The following NREP variants were observed in gnomAD, a reference collection of about 807,000 sequenced individuals.
The protein encoded by NREP is neuronal regeneration related protein.
A neutral mutation model predicts 8.6 loss-of-function variants in NREP; 5 were observed. That is an observed-to-expected ratio of 0.58 (90% CI 0.30 to 1.22). The LOEUF (loss-of-function observed/expected upper bound fraction) is 1.22, where lower values mean the gene tolerates loss of function less well. NREP is among the 50% of genes most tolerant of loss of function. NREP has a pLI of 0.07. For synonymous variants in NREP, 27 were observed against 28.0 expected (o/e 0.96, Z 0.11); for missense variants, 86 against 82.5 (o/e 1.04, Z -0.17).
chr5:111,969,023 G>C (rs956520508), intron 2 of NREP, among the ~76,000 whole-genome samples: 3 of 152,190 alleles, frequency 2.0e-5, no homozygotes, highest in African/African-American at 7.2e-5. Context: ...CATCCAGAGA[G>C]TATAAAGGAA....
intron 2 of NREP, among the ~76,000 whole-genome samples, chr5:111,803,998 C>CT (rs1253623872): frequency 3.9e-5 from 6 of 152,218 alleles, no homozygotes; most frequent in Admixed American, 1.3e-4. Flanking sequence ...AACTAGTAGT[C>CT]CCTTTTTTCC....
chr5:111,758,572 A>G (rs993747111), upstream of NREP, among the ~76,000 whole-genome samples: 1 of 152,194 alleles, frequency 6.6e-6, no homozygotes, highest in Non-Finnish European at 1.5e-5. Flanking sequence ...TTATTTCCTA[A>G]TTAAATTGCC....
At chr5:111,782,690 A>G (rs985738754) in intron 2 of NREP, among the ~76,000 whole-genome samples, 1 of 151,996 alleles carries the variant, frequency 6.6e-6, no homozygotes, top group Non-Finnish European at 1.5e-5. Context: ...TAAGTAGAAA[A>G]CTCAAGTAAG....
chr5:111,911,205 C>T (rs919615761), intron 2 of NREP, among the ~76,000 whole-genome samples: 1 of 152,116 alleles, frequency 6.6e-6, no homozygotes, highest in African/African-American at 2.4e-5. Flanking sequence ...GATATCACCC[C>T]TGTACCCAAT....
At chr5:111,811,247 C>G (rs1413309387) in intron 2 of NREP, among the ~76,000 whole-genome samples, 5 of 152,118 alleles carry the variant, frequency 3.3e-5, no homozygotes, top group Non-Finnish European at 7.4e-5. Context: ...TCTGATGAAT[C>G]CTTCTGAATT....
chr5:111,813,283 T>C (rs1055733292), intron 2 of NREP, among the ~76,000 whole-genome samples: 2 of 152,190 alleles, frequency 1.3e-5, no homozygotes, highest in South Asian at 2.1e-4. Flanking sequence ...CATATATGAT[T>C]AGAGCCACAA....
chr5:111,750,503 G>A (rs1750293282), intron 2 of NREP, among the ~76,000 whole-genome samples: 1 of 152,116 alleles, frequency 6.6e-6, no homozygotes, highest in Non-Finnish European at 1.5e-5. Context: ...TCTCCCACAG[G>A]TATAAAAGTT....
intron 2 of NREP, among the ~76,000 whole-genome samples, chr5:111,936,315 A>G (rs1427634881): frequency 6.6e-6 from 1 of 151,972 alleles, no homozygotes; most frequent in Admixed American, 6.6e-5. Context: ...TGATGGTTTT[A>G]TAAGTGTGTG....
At chr5:111,816,608 T>C (rs1752390819) in intron 2 of NREP, among the ~76,000 whole-genome samples, 1 of 151,346 alleles carries the variant, frequency 6.6e-6, no homozygotes, top group South Asian at 2.1e-4. Flanking sequence ...TAGGGTAGAC[T>C]AAGGATATAC....
At chr5:111,915,322 C>G (rs7704226) in intron 2 of NREP, among the ~76,000 whole-genome samples, 80,463 of 151,868 alleles carry the variant, frequency 0.53, 22,694 homozygotes, top group Non-Finnish European at 0.64. Context: ...TTACTCTTCT[C>G]TCTGTAATGC....
At chr5:111,900,882 G>A (rs1178663424) in intron 2 of NREP, among the ~76,000 whole-genome samples, 1 of 152,090 alleles carries the variant, frequency 6.6e-6, no homozygotes, top group Admixed American at 6.6e-5. Flanking sequence ...CATTGAAAAG[G>A]AGGGAATTTT....
rs538103868 is a variant in NREP at position 111,812,095 on chromosome 5, C to G, written c.136-76588G>C. Among the ~76,000 whole-genome samples the G allele has an allele frequency of 3.9e-5, 6 of 152,154 alleles. No individual in the cohort carries two copies. The South Asian group carries it at 1.2e-3, about 32-fold the overall frequency. On this transcript the variant is annotated intron_variant, in intron 2 of 3. Coordinates refer to the NREP transcript ENST00000395634. Reference sequence around the variant, plus strand: ...CTGAGTGCAGGAGTTTGAGACAAACCTGGGCAACACAGTGAAATCCCATCT... The same window carrying G: ...CTGAGTGCAGGAGTTTGAGACAAACGTGGGCAACACAGTGAAATCCCATCT...
At chr5:111,747,095 G>A (rs1295632262) in intron 2 of NREP, among the ~76,000 whole-genome samples, 2 of 152,124 alleles carry the variant, frequency 1.3e-5, no homozygotes, top group African/African-American at 4.8e-5. Flanking sequence ...TAGGATGACT[G>A]AGTGGGAGGC....
chr5:111,757,689 C>A (rs1353510161), upstream of NREP: 9 of 984,142 alleles, frequency 9.1e-6, no homozygotes, highest in East Asian at 8.0e-4. Context: ...CGCGGCGCCC[C>A]GGGGAGACAA....
At chr5:111,780,414 G>A (rs1331063155) in intron 2 of NREP, among the ~76,000 whole-genome samples, 1 of 152,126 alleles carries the variant, frequency 6.6e-6, no homozygotes, top group Non-Finnish European at 1.5e-5. Flanking sequence ...CAGGGAGAGA[G>A]GAAAGCTCTG....
chr5:111,905,928 A>G (rs1754768933), intron 2 of NREP, among the ~76,000 whole-genome samples: 1 of 152,104 alleles, frequency 6.6e-6, no homozygotes, highest in African/African-American at 2.4e-5. Flanking sequence ...TGTCTTACAT[A>G]GTAATATTTA....
intron 2 of NREP, among the ~76,000 whole-genome samples, chr5:111,923,066 G>T (rs1348512719): frequency 6.6e-6 from 1 of 152,150 alleles, no homozygotes; most frequent in African/African-American, 2.4e-5. Context: ...GTATTTCATG[G>T]GAGACCCATT....
At chr5:111,874,035 C>G (rs1753849080) in intron 2 of NREP, among the ~76,000 whole-genome samples, 1 of 151,994 alleles carries the variant, frequency 6.6e-6, no homozygotes, top group African/African-American at 2.4e-5. Context: ...TCTGAATGTT[C>G]CCAGGGACGG....
Position 111,886,392 on chromosome 5 carries a change from G to A in NREP, c.135+88882C>T, listed in dbSNP as rs1262271354. Among the ~76,000 whole-genome samples the A allele has an allele frequency of 3.9e-3, 591 of 152,066 alleles. 4 individuals are homozygous for A. Among genetic ancestry groups the A allele is most frequent in the African/African-American group, 0.013 (542 of 41,450 alleles). On this transcript the variant is annotated intron_variant, in intron 2 of 3. Transcript: ENST00000395634. ...GTTGGTGGGACTGTAAACTAGTTCA[G>A]CCATTGTGGAAGTCAGTGTGGTGAT...
Sources: gnomAD v4.1 joint callset for allele counts (sites outside exome capture counted in the v4.1 genomes callset) on GRCh38, gnomAD v4.1.1 for gene constraint, MANE v1.5 for transcripts, NCBI Gene and HGNC (gene_info 2026-07-23, HGNC 2026-07-21) for gene names.